The following HEXB variants were observed in gnomAD, a reference collection of about 807,000 sequenced individuals.
HEXB encodes the protein beta-hexosaminidase subunit beta.
A neutral mutation model predicts 71.2 loss-of-function variants in HEXB; 51 were observed. The ratio of observed to expected loss-of-function variants is 0.72; its 90% confidence interval spans 0.57 to 0.90. The LOEUF is 0.90. Ranked by LOEUF, HEXB falls within the 40% of genes least tolerant of loss-of-function variation. The pLI is 0.00. For missense variants in HEXB, 617 were observed against 677.0 expected (o/e 0.91, Z 0.98); for synonymous variants, 266 against 249.3 (o/e 1.07, Z -0.63).
At chr5:74,643,261 G>A (rs1480847893) in intron 1 of HEXB, among the ~76,000 whole-genome samples, 7 of 152,060 alleles carry the variant, frequency 4.6e-5, no homozygotes, top group African/African-American at 1.2e-4. Context: ...CAATTCAAAC[G>A]GTGTAATCCC....
intron 1 of HEXB, among the ~76,000 whole-genome samples, chr5:74,645,785 T>C (rs781522437): frequency 8.5e-5 from 13 of 152,236 alleles, no homozygotes; most frequent in Non-Finnish European, 7.3e-5. Context: ...TTGTAGGTTA[T>C]AGATTTTAGG....
intron 5 of HEXB, 45 bp from the exon 6 acceptor site, chr5:74,705,174 A>G (rs759436394): frequency 8.7e-6 from 9 of 1,040,146 alleles, no homozygotes; most frequent in South Asian, 6.3e-5. Flanking sequence ...TATGGATTGT[A>G]TATGATATCT....
rs1748843416 is a variant in HEXB, at chr5:74,685,482, G to A, written c.222G>A (p.Pro74=). The A allele has an allele frequency of 1.9e-6, 3 of 1,611,298 alleles. No individual in the cohort carries two copies. The highest frequency in any genetic ancestry group is 1.7e-6 in the Non-Finnish European group (2 of 1,179,016). ...CCCCGAACCTGCTGCATCTCGCCCCGGAGAACTTCTACATCAGCCACAGCC... is the reference window on the plus strand; with the variant it reads ...CCCCGAACCTGCTGCATCTCGCCCCAGAGAACTTCTACATCAGCCACAGCC... ...KMTPNLLHLA[P]ENFYISHSPN... is the part of the protein sequence containing the mutation. Residue 74 remains proline (P), a synonymous_variant, in exon 1 of 14, where the codon CCG becomes CCA. Transcript: ENST00000261416.
upstream of HEXB, among the ~76,000 whole-genome samples, chr5:74,684,746 C>G (rs1442350155): frequency 6.7e-6 from 1 of 148,164 alleles, no homozygotes; most frequent in Non-Finnish European, 1.5e-5. Flanking sequence ...GGTGCGATCT[C>G]GGCTCACTGC....
At chr5:74,687,491 C>T (rs570674010) in intron 1 of HEXB, among the ~76,000 whole-genome samples, 65 of 152,290 alleles carry the variant, frequency 4.3e-4, no homozygotes, top group African/African-American at 1.4e-3. Context: ...ATGCTAGTCA[C>T]TCATTTTTAA....
chr5:74,662,248 T>C (rs1457896018), intron 1 of HEXB, among the ~76,000 whole-genome samples: 4 of 152,170 alleles, frequency 2.6e-5, no homozygotes, highest in Non-Finnish European at 5.9e-5. Context: ...TCACCTAACA[T>C]TATAACATGA....
At chr5:74,709,973 A>G (rs1268814160) in intron 6 of HEXB, among the ~76,000 whole-genome samples, 1 of 150,578 alleles carries the variant, frequency 6.6e-6, no homozygotes, top group African/African-American at 2.5e-5. Flanking sequence ...AGCCGGGCAG[A>G]GACACAACCA....
At chr5:74,688,749 C>T in intron 1 of HEXB, among the ~76,000 whole-genome samples, 1 of 152,176 alleles carries the variant, frequency 6.6e-6, no homozygotes, top group East Asian at 1.9e-4. Flanking sequence ...AACTCTGACT[C>T]AATCTGGCTC....
intron 1 of HEXB, among the ~76,000 whole-genome samples, chr5:74,673,976 G>T (rs1235880760): frequency 6.6e-6 from 1 of 152,126 alleles, no homozygotes; most frequent in Non-Finnish European, 1.5e-5. Flanking sequence ...TCAGAATTTA[G>T]TTATACTCAA....
chr5:74,662,305 T>C (rs1224786850), intron 1 of HEXB, among the ~76,000 whole-genome samples: 7 of 152,254 alleles, frequency 4.6e-5, no homozygotes, highest in Admixed American at 4.6e-4. Flanking sequence ...TTTTTCATGA[T>C]TGCACAGTAT....
intron 1 of HEXB, among the ~76,000 whole-genome samples, chr5:74,645,428 A>G (rs1426279181): frequency 6.6e-6 from 1 of 152,166 alleles, no homozygotes; most frequent in Admixed American, 6.5e-5. Flanking sequence ...TATAAATACA[A>G]TTGACTTTTG....
In HEXB at chr5:74,721,111, T is replaced by C. The variant is rs769283153; in HGVS notation, c.1614-7T>C. The C allele has an allele frequency of 6.2e-7, 1 of 1,601,754 alleles. No homozygotes were observed. Among genetic ancestry groups the C allele is most frequent in the South Asian group, 1.1e-5 (1 of 90,832 alleles). ...ATCTAAAATATCTTTATTCATGTTA[T>C]CTACAGACGTGGAATAGCTGCACAA... On this transcript the variant is annotated splice_polypyrimidine_tract_variant and splice_region_variant and intron_variant, in intron 13 of 13. Coordinates refer to ENST00000261416, the MANE Select transcript of HEXB (RefSeq NM_000521.4).
At chr5:74,677,437 A>G (rs1244740206) in intron 1 of HEXB, among the ~76,000 whole-genome samples, 2 of 151,260 alleles carry the variant, frequency 1.3e-5, no homozygotes, top group African/African-American at 4.9e-5. Flanking sequence ...CTATTGGGGC[A>G]GGACAGCTGT....
chr5:74,675,604 G>A (rs1748616478), intron 1 of HEXB, among the ~76,000 whole-genome samples: 1 of 152,194 alleles, frequency 6.6e-6, no homozygotes, highest in Admixed American at 6.5e-5. Flanking sequence ...AACTGAGGGT[G>A]CAAGTGATGT....
intron 10 of HEXB, 32 bp from the exon 11 acceptor site, chr5:74,718,762 CTAA>C: frequency 6.3e-7 from 1 of 1,599,044 alleles, no homozygotes; most frequent in Non-Finnish European, 8.6e-7. Flanking sequence ...TGTTCTAGGC[CTAA>C]TAATATGTAT....
At chr5:74,679,434 T>C (rs985661410) in intron 1 of HEXB, among the ~76,000 whole-genome samples, 2 of 152,028 alleles carry the variant, frequency 1.3e-5, no homozygotes, top group African/African-American at 2.4e-5. Flanking sequence ...GAGAATTTGT[T>C]ATCTAACTAA....
chr5:74,683,443 A>G (rs772287654), upstream of HEXB, among the ~76,000 whole-genome samples: 52 of 152,050 alleles, frequency 3.4e-4, no homozygotes, highest in Non-Finnish European at 7.2e-4. Flanking sequence ...AGCTGGGATT[A>G]CGGGCGTGTG....
chr5:74,643,838 C>T (rs1444072071), intron 1 of HEXB, among the ~76,000 whole-genome samples: 2 of 152,202 alleles, frequency 1.3e-5, no homozygotes, highest in Non-Finnish European at 2.9e-5. Flanking sequence ...CTCCGGTGGT[C>T]TCCTGAAGCC....
At chr5:74,710,474 A>G (rs947856091) in intron 6 of HEXB, among the ~76,000 whole-genome samples, 22 of 152,270 alleles carry the variant, frequency 1.4e-4, no homozygotes, top group Admixed American at 2.6e-4. Flanking sequence ...AAGGTATTCA[A>G]TTAGGAAAAG....
Sources: allele counts gnomAD v4.1 joint callset (sites outside exome capture counted in the v4.1 genomes callset), GRCh38; gene constraint gnomAD v4.1.1; transcripts MANE v1.5; gene names NCBI Gene and HGNC (gene_info 2026-07-23, HGNC 2026-07-21).